Variants in ERC2 observed in about 807,000 individuals in gnomAD.
The protein encoded by ERC2 is ELKS/RAB6-interacting/CAST family member 2.
In ERC2, 42 loss-of-function variants were observed where a neutral mutation model predicts 114.8. The ratio of observed to expected loss-of-function variants is 0.37; its 90% CI spans 0.29 to 0.47. The LOEUF (loss-of-function observed/expected upper bound fraction) is 0.47. ERC2 is among the 20% of genes least tolerant of loss of function. The pLI, the probability that ERC2 is intolerant of heterozygous loss-of-function variation, is 0.99. For missense variants in ERC2, 939 were observed against 1,150.7 expected, an observed-to-expected ratio of 0.82 and a Z score of 2.66; for synonymous variants, 454 against 425.5, an observed-to-expected ratio of 1.07 and a Z score of -0.82.
chr3:55,810,336 CT>C (rs2059666813), intron 14 of ERC2, among the ~76,000 whole-genome samples: 1 of 152,150 alleles, frequency 6.6e-6, no homozygotes, highest in Non-Finnish European at 1.5e-5. Context: ...TCTCTCATGT[CT>C]TATTCCCCTC....
At chr3:55,894,486 T>G (rs2063751067) in intron 13 of ERC2, among the ~76,000 whole-genome samples, 1 of 152,228 alleles carries the variant, frequency 6.6e-6, no homozygotes, top group Non-Finnish European at 1.5e-5. Flanking sequence ...GTTTGTTACA[T>G]AGGTACGTTG....
intron 14 of ERC2, among the ~76,000 whole-genome samples, chr3:55,790,017 G>T (rs2069861526): frequency 6.6e-6 from 1 of 152,150 alleles, no homozygotes; most frequent in South Asian, 2.1e-4. Flanking sequence ...CCAACTGTCA[G>T]TCCTTCCCTC....
At chr3:56,171,783 T>C (rs574231726) in intron 4 of ERC2, among the ~76,000 whole-genome samples, 4 of 150,842 alleles carry the variant, frequency 2.7e-5, no homozygotes, top group Non-Finnish European at 5.9e-5. Flanking sequence ...ACCAGGAAAC[T>C]ACCCACCACA....
intron 12 of ERC2, among the ~76,000 whole-genome samples, chr3:55,958,964 C>G (rs1394914595): frequency 6.6e-6 from 1 of 152,140 alleles, no homozygotes; most frequent in Non-Finnish European, 1.5e-5. Flanking sequence ...GGGCAGGGCT[C>G]CAGCCTGTTC....
intron 12 of ERC2, among the ~76,000 whole-genome samples, chr3:55,952,184 C>A (rs376871242): frequency 0.42 from 33,617 of 80,176 alleles, 7,718 homozygotes; most frequent in Non-Finnish European, 0.51. Context: ...CACACACTCT[C>A]TCTCTCTCTC....
At chr3:56,408,400 C>A (rs1232797805) in intron 2 of ERC2, among the ~76,000 whole-genome samples, 1 of 152,080 alleles carries the variant, frequency 6.6e-6, no homozygotes, top group Non-Finnish European at 1.5e-5. Context: ...TGAACCCAAG[C>A]AATCTGGGTT....
chr3:56,411,328 G>C (rs987410496), intron 2 of ERC2, among the ~76,000 whole-genome samples: 1 of 151,536 alleles, frequency 6.6e-6, no homozygotes, highest in Non-Finnish European at 1.5e-5. Flanking sequence ...CCTTCCATCT[G>C]CTTGCCTGCC....
At chr3:56,285,032 TACACACAC>T (rs10575135) in intron 3 of ERC2, among the ~76,000 whole-genome samples, 33 of 106,898 alleles carry the variant, frequency 3.1e-4, no homozygotes, top group South Asian at 1.5e-3. Context: ...CACACACACA[TACACACAC>T]ACACACACAC....
At chr3:56,445,601 G>A (rs553154280) in intron 1 of ERC2, among the ~76,000 whole-genome samples, 59 of 152,242 alleles carry the variant, frequency 3.9e-4, no homozygotes, top group African/African-American at 1.3e-3. Context: ...CTATTGCTCT[G>A]TGGACAAAAC....
At chr3:56,060,334 A>G (rs890999775) in intron 7 of ERC2, among the ~76,000 whole-genome samples, 1 of 152,248 alleles carries the variant, frequency 6.6e-6, no homozygotes, top group African/African-American at 2.4e-5. Flanking sequence ...CATTATCCAC[A>G]GCAATTATCT....
At chr3:55,622,547 G>A (rs1362844427) in intron 17 of ERC2, among the ~76,000 whole-genome samples, 2 of 152,086 alleles carry the variant, frequency 1.3e-5, no homozygotes, top group Non-Finnish European at 2.9e-5. Flanking sequence ...GCAAATGCAA[G>A]CTACCAGCAA....
intron 2 of ERC2, among the ~76,000 whole-genome samples, chr3:56,323,734 G>A (rs1177089000): frequency 2.0e-5 from 3 of 152,098 alleles, no homozygotes; most frequent in Non-Finnish European, 4.4e-5. Flanking sequence ...CAGCTTAAAC[G>A]AATATCTAAG....
intron 17 of ERC2, among the ~76,000 whole-genome samples, chr3:55,654,260 T>C (rs1216312510): frequency 3.9e-5 from 6 of 152,210 alleles, no homozygotes; most frequent in African/African-American, 1.4e-4. Context: ...TCACCTCACA[T>C]GCTCAGCATT....
At chr3:55,594,756 T>G (rs2058054495) in intron 17 of ERC2, among the ~76,000 whole-genome samples, 1 of 152,168 alleles carries the variant, frequency 6.6e-6, no homozygotes, top group African/African-American at 2.4e-5. Context: ...AGTGCTAGGA[T>G]TACAGGCATG....
intron 14 of ERC2, among the ~76,000 whole-genome samples, chr3:55,760,018 C>T (rs779665571): frequency 3.3e-5 from 5 of 152,110 alleles, no homozygotes; most frequent in Non-Finnish European, 4.4e-5. Flanking sequence ...AGCACCCCTC[C>T]GTGACATAAA....
intron 17 of ERC2, among the ~76,000 whole-genome samples, chr3:55,637,197 A>C (rs865274): frequency 0.93 from 142,077 of 152,280 alleles, 66,344 homozygotes; most frequent in East Asian, 1. Flanking sequence ...CAATGATAGC[A>C]CTCCTTTGTC....
At chr3:55,614,177 C>T (rs1185602775) in intron 17 of ERC2, among the ~76,000 whole-genome samples, 1 of 152,006 alleles carries the variant, frequency 6.6e-6, no homozygotes, top group African/African-American at 2.4e-5. Flanking sequence ...CTGGAAAGGG[C>T]TCTTTTAGGA....
intron 7 of ERC2, among the ~76,000 whole-genome samples, chr3:56,043,579 T>C (rs544890624): frequency 6.6e-6 from 1 of 152,300 alleles, no homozygotes; most frequent in Admixed American, 6.5e-5. Flanking sequence ...AAAAATCTTT[T>C]AAAATCTTTA....
At chr3:56,400,616 G>A (rs1189325464) in intron 2 of ERC2, among the ~76,000 whole-genome samples, 7 of 152,252 alleles carry the variant, frequency 4.6e-5, no homozygotes, top group African/African-American at 1.7e-4. Flanking sequence ...TACATGCTAA[G>A]GTTACTTCAA....
Sources: allele counts gnomAD v4.1 joint callset (sites outside exome capture counted in the v4.1 genomes callset), GRCh38; gene constraint gnomAD v4.1.1; transcripts MANE v1.5; gene names NCBI Gene and HGNC (gene_info 2026-07-23, HGNC 2026-07-21).